PON3: variants seen among roughly 807,000 people sequenced by gnomAD.
The protein encoded by PON3 is paraoxonase 3, also known as serum paraoxonase/lactonase 3.
Under a neutral mutation model 36.3 loss-of-function variants are expected in PON3, and 37 were observed. The ratio of observed to expected loss-of-function variants is 1.02; its 90% CI spans 0.78 to 1.34. The LOEUF (loss-of-function observed/expected upper bound fraction) is 1.34, where lower values mean the gene tolerates loss of function less well. Among genes scored for constraint, PON3 ranks in the 40% most tolerant of loss-of-function variants. The pLI is 0.00. For synonymous variants in PON3, 155 were observed against 154.8 expected (o/e 1.00, Z -0.01); for missense variants, 415 against 426.5 (o/e 0.97, Z 0.24).
intron 2 of PON3, 91 bp downstream of exon 2, chr7:95,394,553 G>T: frequency 8.7e-7 from 1 of 1,145,988 alleles, no homozygotes; most frequent in Non-Finnish European, 1.3e-6. Context: ...CTTAAGTAGT[G>T]ACAGGTAATT....
chr7:95,378,485 T>C (rs1007324763), intron 3 of PON3, among the ~76,000 whole-genome samples: 2 of 152,200 alleles, frequency 1.3e-5, no homozygotes, highest in Admixed American at 6.5e-5. Flanking sequence ...AAGGACAAAA[T>C]GTTAAAGGCA....
At chr7:95,364,399 A>T (rs1458469444) in intron 5 of PON3, 1 of 359,756 alleles carries the variant, frequency 2.8e-6, no homozygotes, top group Non-Finnish European at 5.3e-6. Context: ...ACTGATAGCT[A>T]TGGTTATCCT....
At chr7:95,377,574 GA>G in intron 3 of PON3, 2 of 428,974 alleles carry the variant, frequency 4.7e-6, no homozygotes, top group Non-Finnish European at 9.4e-6. Context: ...GCTTCCAGAA[GA>G]AAAATCAGGC....
At chr7:95,366,739 C>T (rs765687267) in intron 5 of PON3, among the ~76,000 whole-genome samples, 22 of 152,208 alleles carry the variant, frequency 1.4e-4, no homozygotes, top group Non-Finnish European at 2.8e-4. Context: ...CCTGTTTCTG[C>T]CACTTACAAA....
At chr7:95,387,091 TCTCTCACCA>T (rs1279671143) in intron 3 of PON3, among the ~76,000 whole-genome samples, 1 of 152,148 alleles carries the variant, frequency 6.6e-6, no homozygotes, top group Non-Finnish European at 1.5e-5. Flanking sequence ...AAGGATGCCC[TCTCTCACCA>T]CTCCTATTCA....
In PON3 at chr7:95,360,148, G is replaced by T. The variant is rs577206906; in HGVS notation, c.907-17C>A. 3.7e-6 allele frequency: 6 copies of T among 1,606,936 alleles called. No homozygotes were observed. Among genetic ancestry groups the T allele is most frequent in the Non-Finnish European group, 4.3e-6 (5 of 1,173,634 alleles). On this transcript the variant is annotated splice_polypyrimidine_tract_variant and intron_variant, in intron 8 of 8. Transcript: ENST00000265627. ...GCGAAGTACCTGTCGAGAAAAGATC[G>T]TTTATTAGTATATTATGTGAGTAAA...
At chr7:95,381,970 A>AT (rs1392290313) in intron 3 of PON3, among the ~76,000 whole-genome samples, 1 of 152,224 alleles carries the variant, frequency 6.6e-6, no homozygotes, top group African/African-American at 2.4e-5. Context: ...CTACTCAGCA[A>AT]ATGTAAAAGA....
intron 4 of PON3, 26 bp from the exon 5 acceptor site, chr7:95,367,514 C>G (rs369272450): frequency 2.5e-6 from 4 of 1,610,054 alleles, no homozygotes; most frequent in Non-Finnish European, 3.4e-6. Flanking sequence ...GGATAATTTC[C>G]AAGAAAGTTA....
intron 3 of PON3, among the ~76,000 whole-genome samples, chr7:95,376,981 T>A (rs1157426983): frequency 6.6e-6 from 1 of 152,172 alleles, no homozygotes; most frequent in African/African-American, 2.4e-5. Flanking sequence ...TCAGGGGATT[T>A]CCCTTTCCTA....
chr7:95,360,140 A>G lies in PON3; in HGVS notation c.907-9T>C. On this transcript the variant is annotated splice_polypyrimidine_tract_variant and intron_variant, in intron 8 of 8. Transcript: ENST00000265627. ...TTCTGGATGCGAAGTACCTGTCGAGAAAAGATCGTTTATTAGTATATTATG... is the reference window on the plus strand; with the variant it reads ...TTCTGGATGCGAAGTACCTGTCGAGGAAAGATCGTTTATTAGTATATTATG... The G allele has an allele frequency of 6.2e-7, 1 of 1,611,258 alleles. No individual in the cohort carries two copies. Among genetic ancestry groups the G allele is most frequent in the Non-Finnish European group, 8.5e-7 (1 of 1,177,426 alleles).
chr7:95,391,338 G>A (rs924807645), intron 2 of PON3, among the ~76,000 whole-genome samples: 1 of 152,142 alleles, frequency 6.6e-6, no homozygotes, highest in Non-Finnish European at 1.5e-5. Flanking sequence ...CCACCTACTC[G>A]ATAATCCTGC....
intron 3 of PON3, among the ~76,000 whole-genome samples, chr7:95,388,066 G>A (rs901096117): frequency 1.4e-5 from 2 of 145,788 alleles, no homozygotes; most frequent in African/African-American, 5.3e-5. Context: ...TCAGGACATA[G>A]GCATGGGCAA....
rs1280884387 is a variant in PON3 at position 95,362,453 on chromosome 7, ACAGT to A, written c.811_814del (p.Thr271SerfsTer17). On this transcript the variant is annotated frameshift_variant, in exon 8 of 9. Transcript: ENST00000265627. LOFTEE classifies it high-confidence loss of function. ...CAAAATGTCTCCTGTGGCAGGATCG[ACAGT>A]CAGGTTATCCACTAAGGTGCCCAAC... 3 of 1,613,638 alleles carry A rather than the reference ACAGT, an allele frequency of 1.9e-6. No individual in the cohort carries two copies. In the African/African-American group the frequency reaches 4.0e-5, roughly 22 times the overall value.
chr7:95,385,854 T>G (rs1479859193), intron 3 of PON3, among the ~76,000 whole-genome samples: 1 of 152,210 alleles, frequency 6.6e-6, no homozygotes, highest in Admixed American at 6.5e-5. Context: ...ATAAAGATTT[T>G]CTTTGACATC....
Position 95,383,445 on chromosome 7 carries a change from T to C in PON3, c.201+6709A>G, listed in dbSNP as rs545581182. On this transcript the variant is annotated intron_variant, in intron 3 of 8. Transcript: ENST00000265627. ...TTTGCAGATGACATGATTGTATATC[T>C]AGAAAACCCCATTGTCTCAGCCCAA... Among the ~76,000 whole-genome samples, 5 of 152,334 alleles carry C rather than the reference T, an allele frequency of 3.3e-5. No homozygotes were observed. The East Asian group carries it at 5.8e-4, about 18-fold the overall frequency.
At chr7:95,365,815 G>A (rs1001665391) in intron 5 of PON3, 22 of 152,246 alleles carry the variant, frequency 1.4e-4, no homozygotes, top group African/African-American at 5.1e-4. Flanking sequence ...TCCTTGGCTT[G>A]TAGATATATC....
At chr7:95,394,395 G>C (rs1487946715) in intron 2 of PON3, among the ~76,000 whole-genome samples, 1 of 152,172 alleles carries the variant, frequency 6.6e-6, no homozygotes, top group East Asian at 1.9e-4. Flanking sequence ...GGGAAAACCA[G>C]GGAGTGGTCA....
intron 3 of PON3, among the ~76,000 whole-genome samples, chr7:95,382,497 G>A (rs1809083033): frequency 1.3e-5 from 2 of 152,120 alleles, no homozygotes; most frequent in South Asian, 4.2e-4. Context: ...TCAAATAGAT[G>A]CAATAAAAAA....
At chr7:95,371,953 T>C (rs1808816225) in intron 4 of PON3, among the ~76,000 whole-genome samples, 2 of 152,086 alleles carry the variant, frequency 1.3e-5, no homozygotes, top group East Asian at 3.9e-4. Flanking sequence ...GACAAGTGGA[T>C]AGAAGGAAGA....
Sources: gnomAD v4.1 joint callset for allele counts (sites outside exome capture counted in the v4.1 genomes callset) on GRCh38, gnomAD v4.1.1 for gene constraint, MANE v1.5 for transcripts, NCBI Gene and HGNC (gene_info 2026-07-23, HGNC 2026-07-21) for gene names.